The following CDH18 variants were observed in gnomAD, a reference collection of about 807,000 sequenced individuals.
The protein encoded by CDH18 is cadherin-18.
CDH18 carries 31 observed loss-of-function variants against 67.9 expected under a neutral mutation model. The observed-to-expected ratio is 0.46, with a 90% CI of 0.34 to 0.62. CDH18 has a LOEUF of 0.62. Among genes scored for constraint, CDH18 ranks in the 20% least tolerant of loss-of-function variants. CDH18 has a pLI of 0.01. For missense variants in CDH18, 890 were observed against 975.5 expected, an observed-to-expected ratio of 0.91 and a Z score of 1.17; for synonymous variants, 362 against 347.2, an observed-to-expected ratio of 1.04 and a Z score of -0.48.
intron 2 of CDH18, among the ~76,000 whole-genome samples, chr5:19,950,184 T>G (rs759700886): frequency 6.6e-6 from 1 of 151,754 alleles, no homozygotes; most frequent in African/African-American, 2.4e-5. Context: ...GAAATACTAC[T>G]AAGATATAAA....
chr5:20,575,043 T>C (rs1759040801), intron 1 of CDH18, among the ~76,000 whole-genome samples: 1 of 151,828 alleles, frequency 6.6e-6, no homozygotes, highest in Non-Finnish European at 1.5e-5. Context: ...CTGCATAAAA[T>C]ATAATAACTG....
At chr5:19,989,453 C>G (rs532428746), upstream of CDH18, among the ~76,000 whole-genome samples, 1 of 152,246 alleles carries the variant, frequency 6.6e-6, no homozygotes, top group East Asian at 1.9e-4. Flanking sequence ...ACATGTGAAC[C>G]TGTGTAAGCT....
intron 2 of CDH18, among the ~76,000 whole-genome samples, chr5:20,217,304 A>G (rs1404332567): frequency 6.6e-6 from 1 of 151,888 alleles, no homozygotes; most frequent in African/African-American, 2.4e-5. Context: ...ATCAAAAATA[A>G]TAATGACAAT....
At chr5:19,597,568 C>A (rs886747911) in intron 6 of CDH18, among the ~76,000 whole-genome samples, 1 of 152,018 alleles carries the variant, frequency 6.6e-6, no homozygotes, top group Non-Finnish European at 1.5e-5. Flanking sequence ...CTGATTATTT[C>A]TCCTCCTATG....
At chr5:19,579,651 A>C in intron 7 of CDH18, among the ~76,000 whole-genome samples, 1 of 151,898 alleles carries the variant, frequency 6.6e-6, no homozygotes, top group East Asian at 1.9e-4. Flanking sequence ...TATTTGACTT[A>C]TTAGCTCGGA....
chr5:20,523,407 CTATATTTG>C (rs1255428758), intron 1 of CDH18, among the ~76,000 whole-genome samples: 1 of 152,130 alleles, frequency 6.6e-6, no homozygotes, highest in Non-Finnish European at 1.5e-5. Flanking sequence ...TTAGTTGAAT[CTATATTTG>C]TATTCTTTAT....
intron 5 of CDH18, among the ~76,000 whole-genome samples, chr5:19,670,481 T>C (rs563165232): frequency 1.3e-5 from 2 of 152,276 alleles, no homozygotes; most frequent in South Asian, 4.1e-4. Flanking sequence ...GGGGCTCCTG[T>C]GCCATGCAGG....
chr5:20,120,524 T>C (rs985994619), intron 2 of CDH18, among the ~76,000 whole-genome samples: 2 of 152,168 alleles, frequency 1.3e-5, no homozygotes, highest in South Asian at 4.1e-4. Context: ...TTCAACATTA[T>C]ATTGGCTGCC....
At chr5:20,194,991 T>C (rs1249494383) in intron 2 of CDH18, among the ~76,000 whole-genome samples, 1 of 152,102 alleles carries the variant, frequency 6.6e-6, no homozygotes, top group Non-Finnish European at 1.5e-5. Context: ...GTCTGGTTAA[T>C]AAATTAAATG....
chr5:20,248,757 G>T (rs1050396232), intron 2 of CDH18, among the ~76,000 whole-genome samples: 2 of 152,224 alleles, frequency 1.3e-5, no homozygotes, highest in Non-Finnish European at 2.9e-5. Flanking sequence ...AGCGAACGTT[G>T]AACTTAATAT....
chr5:19,748,841 T>A (rs1271110285), intron 3 of CDH18, among the ~76,000 whole-genome samples: 1 of 152,134 alleles, frequency 6.6e-6, no homozygotes, highest in Non-Finnish European at 1.5e-5. Flanking sequence ...GGGAATAATT[T>A]CACTTCTTTC....
At chr5:20,229,964 G>A (rs1267733504) in intron 2 of CDH18, among the ~76,000 whole-genome samples, 1 of 152,082 alleles carries the variant, frequency 6.6e-6, no homozygotes. Flanking sequence ...CTCCGAATGC[G>A]AATACAGACT....
chr5:20,243,445 C>T (rs894686485), intron 2 of CDH18, among the ~76,000 whole-genome samples: 2 of 151,966 alleles, frequency 1.3e-5, no homozygotes, highest in African/African-American at 4.8e-5. Context: ...ACCTATATAT[C>T]AAGAAATTTA....
intron 2 of CDH18, among the ~76,000 whole-genome samples, chr5:20,165,340 C>G (rs940471976): frequency 6.6e-6 from 1 of 151,886 alleles, no homozygotes; most frequent in East Asian, 1.9e-4. Context: ...CTGTGCTACA[C>G]TTTGAGGATA....
At chr5:19,812,647 A>G (rs1204057716) in intron 3 of CDH18, among the ~76,000 whole-genome samples, 2 of 150,348 alleles carry the variant, frequency 1.3e-5, no homozygotes, top group Non-Finnish European at 3.0e-5. Context: ...TGTTAAGCAG[A>G]AAAAACAAAA....
chr5:20,101,823 C>T (rs183138875), intron 2 of CDH18, among the ~76,000 whole-genome samples: 309 of 152,294 alleles, frequency 2.0e-3, no homozygotes, highest in Admixed American at 4.4e-3. Flanking sequence ...TCTATAATCC[C>T]AGCATTTTGG....
chr5:20,280,454 C>T (rs566279816), intron 1 of CDH18, among the ~76,000 whole-genome samples: 43 of 152,224 alleles, frequency 2.8e-4, no homozygotes, highest in Non-Finnish European at 5.0e-4. Flanking sequence ...TGAGAACATG[C>T]GGTGTTTGCT....
intron 1 of CDH18, among the ~76,000 whole-genome samples, chr5:19,981,655 A>G (rs1799049795): frequency 2.6e-5 from 4 of 152,186 alleles, no homozygotes; most frequent in Non-Finnish European, 5.9e-5. Flanking sequence ...TTTCCAAGAC[A>G]TGAATTTTGA....
intron 2 of CDH18, among the ~76,000 whole-genome samples, chr5:19,960,666 CAT>C (rs1491233361): frequency 0.03 from 3,496 of 117,610 alleles, 524 homozygotes; most frequent in African/African-American, 0.11. Flanking sequence ...TATATATACA[CAT>C]GTATATATAT....
Sources: allele counts gnomAD v4.1 joint callset (sites outside exome capture counted in the v4.1 genomes callset), GRCh38; gene constraint gnomAD v4.1.1; transcripts MANE v1.5; gene names NCBI Gene and HGNC (gene_info 2026-07-23, HGNC 2026-07-21).